Variants in TMEM234 observed in about 807,000 individuals in gnomAD.
The protein encoded by TMEM234 is chromosome 1 open reading frame 91.
In TMEM234, 21 loss-of-function variants were observed where a neutral mutation model predicts 17.8. That is an observed-to-expected ratio of 1.18 (90% CI 0.84 to 1.70). TMEM234 has a LOEUF of 1.70. Among genes scored for constraint, TMEM234 ranks in the 40% most tolerant of loss-of-function variants. TMEM234 has a pLI of 0.00. For missense variants in TMEM234, 137 were observed against 166.9 expected, an observed-to-expected ratio of 0.82 and a Z score of 0.99; for synonymous variants, 83 against 73.5, an observed-to-expected ratio of 1.13 and a Z score of -0.66.
downstream of TMEM234, chr1:32,216,014 G>A: frequency 1.1e-6 from 1 of 898,614 alleles, no homozygotes; most frequent in Non-Finnish European, 1.7e-6. Flanking sequence ...AGGGTACACT[G>A]CGGCCTCCTC....
intron 3 of TMEM234, among the ~76,000 whole-genome samples, chr1:32,218,577 CG>C (rs1638620352): frequency 6.6e-6 from 1 of 151,934 alleles, no homozygotes; most frequent in South Asian, 2.1e-4. Context: ...CTGAGACGGG[CG>C]GATCACCTGA....
At chr1:32,215,065 A>AAG, downstream of TMEM234, 1 of 1,341,348 alleles carries the variant, frequency 7.5e-7, no homozygotes, top group Non-Finnish European at 1.0e-6. Context: ...AAAAAAAAAA[A>AAG]AAGATAAAGG....
At chr1:32,217,384 T>C (rs747919631) in intron 3 of TMEM234, 33 bp from the exon 4 acceptor site, 13 of 1,593,686 alleles carry the variant, frequency 8.2e-6, no homozygotes, top group African/African-American at 1.3e-5. Context: ...ATGCCTGAGA[T>C]GCAACAAATG....
At chr1:32,221,319 T>A in intron 2 of TMEM234, 122 bp from the exon 3 acceptor site, 1 of 746,264 alleles carries the variant, frequency 1.3e-6, no homozygotes, top group Non-Finnish European at 2.3e-6. Flanking sequence ...CAGAGAACAC[T>A]AATCCCTCTA....
chr1:32,222,157 A>G, intron 1 of TMEM234, 139 bp from the exon 2 acceptor site: 4 of 1,503,918 alleles, frequency 2.7e-6, no homozygotes, highest in Non-Finnish European at 3.6e-6. Context: ...CTGGCGGCTA[A>G]GGCAGGCCCA....
rs137983449 is a variant in TMEM234 at position 32,221,900 on chromosome 1, T to C, written c.135A>G (p.Leu45=). The C allele has an allele frequency of 3.1e-5, 50 of 1,612,762 alleles. 1 individual carries two copies. The African/African-American group carries it at 4.8e-4, about 16-fold the overall frequency. The part of the protein sequence containing the change: ...VHEPTWAQQL[L]QEMKTLFLNT... Reference sequence around the variant, plus strand: ...TCAAGAAGAGGGTCTTCATCTCCTGTAGCAACTGCTGGGCCCAGGTCGGCT... The same window carrying C: ...TCAAGAAGAGGGTCTTCATCTCCTGCAGCAACTGCTGGGCCCAGGTCGGCT... Residue 45 remains leucine, a synonymous_variant, in exon 2 of 5, where the codon CTA becomes CTG. Transcript: ENST00000309777.
chr1:32,216,714 T>C lies in TMEM234; in HGVS notation c.*139A>G, dbSNP rs1431962983. ...ACTCTTGTTCTCTTATTGTGATCCA[T>C]GAGGTAGCTGTTATCCCCATAAGAG... On this transcript the variant is annotated 3_prime_UTR_variant, in exon 5 of 5. Coordinates refer to ENST00000309777, the MANE Select transcript of TMEM234 (RefSeq NM_019118.5). 24 of 1,498,922 alleles carry C rather than the reference T, an allele frequency of 1.6e-5. No homozygotes were observed. The highest frequency in any genetic ancestry group is 2.5e-5 in the East Asian group (1 of 40,464). 92.9% of individuals were successfully genotyped at this position (1,498,922 alleles called of 1,614,324 possible). A position where few individuals can be genotyped will look rare whatever the true frequency, so the allele number is the denominator to read the frequency against.
rs1008903284 is a variant in TMEM234 at position 32,221,812 on chromosome 1, G to C, written c.168+55C>G. Reference sequence around the variant, plus strand: ...TGACCCAGACCTGTTTGACTCCAAAGACCAAATTCTTGGCGGCAACTCCAC... The same window carrying C: ...TGACCCAGACCTGTTTGACTCCAAACACCAAATTCTTGGCGGCAACTCCAC... On this transcript the variant is annotated intron_variant, in intron 2 of 4. Coordinates refer to ENST00000309777, the MANE Select transcript of TMEM234 (RefSeq NM_019118.5). The C allele has an allele frequency of 6.9e-6, 11 of 1,605,396 alleles. No homozygotes were observed. The Admixed American group carries it at 8.6e-5, about 12-fold the overall frequency.
At chr1:32,215,106 C>G, downstream of TMEM234, 1 of 909,446 alleles carries the variant, frequency 1.1e-6, no homozygotes, top group Non-Finnish European at 1.6e-6. Flanking sequence ...CAGGAGACTG[C>G]CCGTAAAAAA....
At position 32,217,349 on chromosome 1, in the gene TMEM234, G is replaced by C. The variant is rs779360827; in HGVS notation, c.238C>G (p.Leu80Val). 7 of 1,606,168 alleles carry C rather than the reference G, an allele frequency of 4.4e-6. No homozygotes were observed. Among genetic ancestry groups the C allele is most frequent in the Non-Finnish European group, 5.1e-6 (6 of 1,173,862 alleles). Residue 80 changes from leucine (L) to valine (V), a missense_variant and splice_region_variant, in exon 4 of 5, where the codon CTG (leucine) becomes GTG (valine). Transcript: ENST00000309777. Reference protein sequence around the residue: ...LYYLTLASTDLTLAVPICNSL... With the variant: ...LYYLTLASTDVTLAVPICNSL... ...TTACAGATGGGCACAGCCAGGGTCA[G>C]ATCTGGGTGGTCAGAATGAAAAGAA... is the stretch of plus-strand genomic sequence containing the variant.
In TMEM234 at chr1:32,216,465, A is replaced by C; in HGVS notation, c.*388T>G. On this transcript the variant is annotated 3_prime_UTR_variant, in exon 5 of 5. Transcript: ENST00000309777. ...GGCCTCCCGTTTGCATTTCTGGCTCAAAGTCTGCAGCTGGCCCTTTCCATG... is the reference window on the plus strand; with the variant it reads ...GGCCTCCCGTTTGCATTTCTGGCTCCAAGTCTGCAGCTGGCCCTTTCCATG... 1 of 1,551,732 alleles carries C rather than the reference A, an allele frequency of 6.4e-7. No individual in the cohort carries two copies. The highest frequency in any genetic ancestry group is 8.7e-7 in the Non-Finnish European group (1 of 1,147,004).
At chr1:32,221,064 G>T in intron 3 of TMEM234, 67 bp downstream of exon 3, 1 of 1,327,808 alleles carries the variant, frequency 7.5e-7, no homozygotes, top group Non-Finnish European at 1.1e-6. Flanking sequence ...GCTCCACCCC[G>T]CCCCCCCCAA....
In TMEM234 at chr1:32,216,648, C is replaced by A; in HGVS notation, c.*205G>T. 1.3e-6 allele frequency: 2 copies of A among 1,512,880 alleles called. No individual in the cohort carries two copies. Among genetic ancestry groups the A allele is most frequent in the South Asian group, 1.3e-5 (1 of 79,324 alleles). The allele number at this position is 1,512,880 out of a possible 1,614,324, so 93.7% of individuals were successfully genotyped here. ...GAGCGTAGAGTCTCCTGTGCTAAAT[C>A]CCCGCAGCTGAACAGCACTTGAAGG... On this transcript the variant is annotated 3_prime_UTR_variant, in exon 5 of 5. Coordinates refer to ENST00000309777, the MANE Select transcript of TMEM234 (RefSeq NM_019118.5).
chr1:32,216,275 T>C lies in TMEM234; in HGVS notation c.*578A>G. On this transcript the variant is annotated 3_prime_UTR_variant, in exon 5 of 5. Transcript: ENST00000309777. ...GTCAGGTGGGGCTGGGGCTCACAGC[T>C]CTCTACCTGTTTAAGAGGGGCTGGC... is the stretch of plus-strand genomic sequence containing the variant. 1.4e-6 allele frequency: 2 copies of C among 1,478,582 alleles called. No homozygotes were observed. The highest frequency in any genetic ancestry group is 1.8e-6 in the Non-Finnish European group (2 of 1,110,354). The allele number at this position is 1,478,582 out of a possible 1,614,324, so 91.6% of individuals were successfully genotyped here.
intron 2 of TMEM234, 137 bp downstream of exon 2, chr1:32,221,730 C>T: frequency 1.7e-6 from 2 of 1,210,386 alleles, no homozygotes; most frequent in Non-Finnish European, 2.3e-6. Context: ...GATGATGAAA[C>T]TGAGGCTCAA....
downstream of TMEM234, chr1:32,216,099 G>T: frequency 1.5e-6 from 1 of 674,300 alleles, no homozygotes; most frequent in Non-Finnish European, 2.5e-6. Flanking sequence ...CCCTGGCTGT[G>T]GGGGCTATTT....
downstream of TMEM234, chr1:32,215,665 C>A: frequency 9.0e-7 from 1 of 1,116,798 alleles, no homozygotes; most frequent in Non-Finnish European, 1.3e-6. Flanking sequence ...GATCTCCTAA[C>A]TTCCTACCTT....
At chr1:32,215,255 G>A (rs1638280835), downstream of TMEM234, 1 of 609,264 alleles carries the variant, frequency 1.6e-6, no homozygotes, top group Non-Finnish European at 2.9e-6. Context: ...GACTTCAGGG[G>A]TGGGATATAG....
chr1:32,219,911 G>C (rs1381794837), intron 3 of TMEM234, among the ~76,000 whole-genome samples: 1 of 152,186 alleles, frequency 6.6e-6, no homozygotes, highest in Non-Finnish European at 1.5e-5. Context: ...GTTGTCGTAA[G>C]ATGAACTGTG....
Sources: allele counts gnomAD v4.1 joint callset (sites outside exome capture counted in the v4.1 genomes callset), GRCh38; gene constraint gnomAD v4.1.1; transcripts MANE v1.5; gene names NCBI Gene and HGNC (gene_info 2026-07-23, HGNC 2026-07-21).